ARID1B: variants seen among roughly 807,000 people sequenced by gnomAD.
The protein encoded by ARID1B is AT-rich interaction domain 1B, also known as AT-rich interactive domain-containing protein 1B.
In ARID1B, 30 loss-of-function variants were observed where a neutral mutation model predicts 212.3. The ratio of observed to expected loss-of-function variants is 0.14; its 90% CI spans 0.11 to 0.19. The LOEUF is 0.19. Ranked by LOEUF, ARID1B falls within the 10% of genes least tolerant of loss-of-function variation. The pLI, the probability that ARID1B is intolerant of heterozygous loss-of-function variation, is 1.00. For synonymous variants in ARID1B, 1,402 were observed against 1,301.7 expected, an observed-to-expected ratio of 1.08 and a Z score of -1.66; for missense variants, 2,891 against 3,204.0, an observed-to-expected ratio of 0.90 and a Z score of 2.36.
rs748315774 is a variant in ARID1B at position 156,901,569 on chromosome 6, A to G, written c.2136+44A>G. 7 of 1,579,386 alleles carry G rather than the reference A, an allele frequency of 4.4e-6. No homozygotes were observed. The Admixed American group carries it at 5.5e-5, about 12-fold the overall frequency. ...CCCGCAGGGCCCTGTTTTCTCCACCAAGGCAGACCCGGCTCTGAATCATCT... is the reference window on the plus strand; with the variant it reads ...CCCGCAGGGCCCTGTTTTCTCCACCGAGGCAGACCCGGCTCTGAATCATCT... On this transcript the variant is annotated intron_variant, in intron 3 of 19. Transcript: ENST00000636930.
chr6:156,902,921 T>C (rs150374245), intron 3 of ARID1B, among the ~76,000 whole-genome samples: 6 of 152,076 alleles, frequency 3.9e-5, no homozygotes, highest in Non-Finnish European at 8.8e-5. Flanking sequence ...AGTTATAACC[T>C]TTTTCAAGGG....
intron 5 of ARID1B, among the ~76,000 whole-genome samples, chr6:157,086,651 TG>T (rs752607995): frequency 3.3e-5 from 5 of 152,246 alleles, no homozygotes; most frequent in Non-Finnish European, 5.9e-5. Context: ...TCCTTCCAAA[TG>T]GGGATTTCTA....
Position 156,795,922 on chromosome 6 carries a change from G to C in ARID1B, c.1791+16451G>C, listed in dbSNP as rs545114819. Among the ~76,000 whole-genome samples, 3 of 152,242 alleles carry C rather than the reference G, an allele frequency of 2.0e-5. No homozygotes were observed. The East Asian group carries it at 5.8e-4, about 29-fold the overall frequency. On this transcript the variant is annotated intron_variant, in intron 1 of 19. Transcript: ENST00000636930. ...CTCATAACCTTGTCTTAGACAAGGG[G>C]TGTAAGTTAAATTTCACGTAAGCGG...
intron 8 of ARID1B, among the ~76,000 whole-genome samples, chr6:157,156,061 G>A (rs2128657772): frequency 6.6e-6 from 1 of 152,292 alleles, no homozygotes; most frequent in Admixed American, 6.5e-5. Context: ...AGCTGCTGAT[G>A]TGGAAATACG....
At chr6:157,171,199 T>C (rs142091891) in intron 9 of ARID1B, among the ~76,000 whole-genome samples, 6 of 152,364 alleles carry the variant, frequency 3.9e-5, no homozygotes, top group African/African-American at 1.4e-4. Context: ...ACACTTACTT[T>C]AAGAAATCGT....
chr6:157,143,875 A>G (rs918331488), intron 7 of ARID1B, among the ~76,000 whole-genome samples: 2 of 152,206 alleles, frequency 1.3e-5, no homozygotes, highest in African/African-American at 4.8e-5. Context: ...CTTGACATGC[A>G]CTTTTGAGTG....
chr6:157,195,003 C>A (rs913723875), intron 15 of ARID1B: 7 of 152,114 alleles, frequency 4.6e-5, no homozygotes, highest in Admixed American at 2.0e-4. Flanking sequence ...GAGACCCTCT[C>A]TCTAAAAAAC....
chr6:156,986,904 T>G (rs994542781), intron 4 of ARID1B, among the ~76,000 whole-genome samples: 4 of 152,066 alleles, frequency 2.6e-5, no homozygotes, highest in Admixed American at 1.3e-4. Flanking sequence ...ATAGGCCGGG[T>G]GCGGTGGCTC....
chr6:156,827,662 C>G (rs1284967219), intron 1 of ARID1B, among the ~76,000 whole-genome samples: 2 of 152,162 alleles, frequency 1.3e-5, no homozygotes, highest in Admixed American at 6.6e-5. Context: ...CTCCCTTGAC[C>G]CAGTGCCTTG....
chr6:157,115,150 G>A (rs1002868619), intron 6 of ARID1B, among the ~76,000 whole-genome samples: 2 of 152,208 alleles, frequency 1.3e-5, no homozygotes, highest in East Asian at 3.9e-4. Flanking sequence ...GGTGGTTTTG[G>A]TATTGAGTTT....
intron 6 of ARID1B, among the ~76,000 whole-genome samples, chr6:157,132,561 C>T (rs1169993763): frequency 6.6e-6 from 1 of 152,166 alleles, no homozygotes; most frequent in Non-Finnish European, 1.5e-5. Flanking sequence ...CAGGGAAGAG[C>T]TGGTACCCTG....
chr6:156,796,333 A>G (rs1198372661), intron 1 of ARID1B, among the ~76,000 whole-genome samples: 2 of 152,310 alleles, frequency 1.3e-5, no homozygotes, highest in South Asian at 4.1e-4. Flanking sequence ...CCACAGGAAG[A>G]AAAAAACAAC....
chr6:157,023,829 A>G (rs545955736), intron 4 of ARID1B: 2 of 152,304 alleles, frequency 1.3e-5, no homozygotes, highest in African/African-American at 4.8e-5. Flanking sequence ...TGTGGTTCCT[A>G]TGCTCCCCTA....
chr6:157,138,651 A>G (rs1789115315), intron 7 of ARID1B, among the ~76,000 whole-genome samples: 1 of 152,182 alleles, frequency 6.6e-6, no homozygotes. Flanking sequence ...CAGATTGACA[A>G]GATCCTCTTC....
At chr6:157,028,456 G>A (rs956900312) in intron 4 of ARID1B, among the ~76,000 whole-genome samples, 2 of 152,166 alleles carry the variant, frequency 1.3e-5, no homozygotes, top group Admixed American at 6.5e-5. Flanking sequence ...TAAAGGGAAA[G>A]CATTGCTTTT....
intron 2 of ARID1B, among the ~76,000 whole-genome samples, chr6:156,879,079 G>A (rs950534009): frequency 9.2e-5 from 14 of 152,202 alleles, no homozygotes; most frequent in African/African-American, 2.7e-4. Context: ...GCTCTCCTCC[G>A]CACCAGCCTA....
intron 2 of ARID1B, among the ~76,000 whole-genome samples, chr6:156,894,154 A>G (rs1788185574): frequency 6.6e-6 from 1 of 152,070 alleles, no homozygotes; most frequent in Non-Finnish European, 1.5e-5. Flanking sequence ...ACGTTATGCT[A>G]ACTCAGACAC....
At position 157,048,381 on chromosome 6, in the gene ARID1B, C is replaced by T. The variant is rs78928266; in HGVS notation, c.2248-36281C>T. 9.2e-3 allele frequency among the ~76,000 whole-genome samples: 1,402 copies of T among 152,174 alleles called. 26 individuals are homozygous for T. The highest frequency in any genetic ancestry group is 0.032 in the African/African-American group (1,336 of 41,496). On this transcript the variant is annotated intron_variant, in intron 4 of 19. Coordinates refer to ENST00000636930, the MANE Select transcript of ARID1B (RefSeq NM_001374828.1). ...AGCAATAAAAGTACCATTTTACAACCGAAGTAATGCATCCTGTGGGTCCAT... is the reference window on the plus strand; with the variant it reads ...AGCAATAAAAGTACCATTTTACAACTGAAGTAATGCATCCTGTGGGTCCAT...
chr6:157,087,520 C>T (rs1422233852), intron 5 of ARID1B, among the ~76,000 whole-genome samples: 5 of 152,272 alleles, frequency 3.3e-5, no homozygotes, highest in Middle Eastern at 6.8e-3. Flanking sequence ...CAGGTACATG[C>T]GGAGCACTCA....
Sources: gnomAD v4.1 joint callset for allele counts (sites outside exome capture counted in the v4.1 genomes callset) on GRCh38, gnomAD v4.1.1 for gene constraint, MANE v1.5 for transcripts, NCBI Gene and HGNC (gene_info 2026-07-23, HGNC 2026-07-21) for gene names.